The following CPNE3 variants were observed in gnomAD, a reference collection of about 807,000 sequenced individuals.
The protein encoded by CPNE3 is copine 3.
A neutral mutation model predicts 63.9 loss-of-function variants in CPNE3; 68 were observed. That is an observed-to-expected ratio of 1.06 (90% CI 0.87 to 1.30). CPNE3 has a LOEUF of 1.30. Among genes scored for constraint, CPNE3 ranks in the 50% most tolerant of loss-of-function variants. The pLI is 0.00. For missense variants in CPNE3, 665 were observed against 578.1 expected (o/e 1.15, Z -1.54); for synonymous variants, 219 against 197.5 (o/e 1.11, Z -0.91).
At chr8:86,529,815 T>G (rs1192385122) in intron 4 of CPNE3, among the ~76,000 whole-genome samples, 1 of 151,950 alleles carries the variant, frequency 6.6e-6, no homozygotes, top group Non-Finnish European at 1.5e-5. Flanking sequence ...GAGGAGTAAT[T>G]TTTTTTTCAA....
At chr8:86,552,263 T>C (rs1821197981) in intron 14 of CPNE3, among the ~76,000 whole-genome samples, 2 of 152,206 alleles carry the variant, frequency 1.3e-5, no homozygotes, top group African/African-American at 4.8e-5. Context: ...TGAACAATTT[T>C]TGTGGCGGCC....
chr8:86,533,601 T>A (rs1322750170), intron 6 of CPNE3, among the ~76,000 whole-genome samples: 3 of 151,864 alleles, frequency 2.0e-5, no homozygotes, highest in Non-Finnish European at 4.4e-5. Context: ...TTTTTTTTTT[T>A]AATTGTGGAA....
chr8:86,554,828 TTTTA>T lies in CPNE3; in HGVS notation c.1121-19_1121-16del, dbSNP rs769518149. On this transcript the variant is annotated intron_variant, in intron 14 of 16. Coordinates refer to ENST00000517490, the MANE Select transcript of CPNE3 (RefSeq NM_003909.5). ...GTGCTTGAGAATTTTTAGTACTGTT[TTTTA>T]TTTGTTTGTTTGTTCTAGGAATCCA... 6.2e-7 allele frequency: 1 copy of T among 1,609,140 alleles called. No homozygotes were observed. The highest frequency in any genetic ancestry group is 8.5e-7 in the Non-Finnish European group (1 of 1,177,226).
At chr8:86,523,884 G>A (rs544630143) in intron 2 of CPNE3, among the ~76,000 whole-genome samples, 102 of 152,286 alleles carry the variant, frequency 6.7e-4, no homozygotes, top group Non-Finnish European at 4.1e-4. Flanking sequence ...CACCGTGCCC[G>A]GCCTGAAGTG....
At chr8:86,517,490 A>G (rs1426829313) in intron 2 of CPNE3, among the ~76,000 whole-genome samples, 2 of 152,188 alleles carry the variant, frequency 1.3e-5, no homozygotes, top group Non-Finnish European at 2.9e-5. Flanking sequence ...AGTACCTGTT[A>G]AAAGAGGTAC....
chr8:86,540,395 A>T, intron 8 of CPNE3, 61 bp downstream of exon 8: 1 of 761,670 alleles, frequency 1.3e-6, no homozygotes, highest in Non-Finnish European at 1.9e-6. Flanking sequence ...CTATTTTATA[A>T]AATTAATACA....
intron 8 of CPNE3, 87 bp from the exon 9 acceptor site, chr8:86,544,653 C>T: frequency 1.7e-6 from 1 of 576,238 alleles, no homozygotes; most frequent in Non-Finnish European, 2.5e-6. Context: ...TAAAAGGGCA[C>T]TTCATGATAG....
intron 14 of CPNE3, among the ~76,000 whole-genome samples, chr8:86,552,418 T>A (rs529616833): frequency 1.8e-4 from 27 of 152,362 alleles, no homozygotes; most frequent in Admixed American, 5.2e-4. Context: ...TTAAGAAATA[T>A]GCTTCATTTT....
At chr8:86,532,118 T>C (rs998525094) in intron 5 of CPNE3, among the ~76,000 whole-genome samples, 14 of 152,232 alleles carry the variant, frequency 9.2e-5, no homozygotes, top group African/African-American at 2.7e-4. Context: ...ATGAAAAACA[T>C]TGATCTGATA....
chr8:86,536,101 A>G (rs529266799), intron 6 of CPNE3, among the ~76,000 whole-genome samples: 4 of 151,998 alleles, frequency 2.6e-5, no homozygotes, highest in African/African-American at 4.8e-5. Context: ...CTCCTGGTCT[A>G]CCTTGCTTCC....
intron 14 of CPNE3, among the ~76,000 whole-genome samples, chr8:86,553,796 G>A (rs963497621): frequency 6.8e-6 from 1 of 146,358 alleles, no homozygotes; most frequent in Non-Finnish European, 1.5e-5. Context: ...ATCTCAGCAA[G>A]TATTGTTGGA....
intron 4 of CPNE3, among the ~76,000 whole-genome samples, chr8:86,530,531 GATTT>G (rs1212950716): frequency 1.3e-5 from 2 of 151,982 alleles, no homozygotes; most frequent in Non-Finnish European, 2.9e-5. Flanking sequence ...TCAGCTAAGT[GATTT>G]GTTTATGCGA....
chr8:86,553,224 T>G (rs377038790), intron 14 of CPNE3, among the ~76,000 whole-genome samples: 5 of 151,934 alleles, frequency 3.3e-5, no homozygotes, highest in African/African-American at 1.2e-4. Flanking sequence ...ATGGACCTTC[T>G]GCATGTAAAA....
At chr8:86,555,996 G>C (rs1207907180) in intron 15 of CPNE3, 106 bp from the exon 16 acceptor site, 2 of 725,836 alleles carry the variant, frequency 2.8e-6, no homozygotes, top group East Asian at 4.9e-5. Flanking sequence ...CTAGGGTAGA[G>C]ACTGGCAAGG....
intron 7 of CPNE3, among the ~76,000 whole-genome samples, chr8:86,537,925 A>T (rs1820836923): frequency 6.6e-6 from 1 of 151,974 alleles, no homozygotes; most frequent in East Asian, 1.9e-4. Context: ...ACACTCCCAC[A>T]TACTTGTGCT....
chr8:86,528,859 A>G, intron 3 of CPNE3, 86 bp from the exon 4 acceptor site: 1 of 1,339,528 alleles, frequency 7.5e-7, no homozygotes, highest in East Asian at 2.3e-5. Context: ...TGTCATGCCT[A>G]TGTTTATGTT....
At chr8:86,535,073 T>TC (rs35294257) in intron 6 of CPNE3, among the ~76,000 whole-genome samples, 36,204 of 152,104 alleles carry the variant, frequency 0.24, 4,472 homozygotes, top group Non-Finnish European at 0.27. Context: ...TTGGATAATT[T>TC]CTTGCTCTGT....
At chr8:86,540,823 A>G (rs1349790160) in intron 8 of CPNE3, among the ~76,000 whole-genome samples, 1 of 152,150 alleles carries the variant, frequency 6.6e-6, no homozygotes, top group East Asian at 1.9e-4. Context: ...AAGCTTTTAG[A>G]AGGCTTTAGT....
rs1821322805 is a variant in CPNE3 at position 86,556,205 on chromosome 8, T to C, written c.1358T>C (p.Ile453Thr). ...NASRLPMSII[I>T]VGVGGADFSA... ...TCCAGGCTGCCTATGTCCATCATAATTGTTGGAGTTGGAGGTGCTGACTTC... is the reference window on the plus strand; with the variant it reads ...TCCAGGCTGCCTATGTCCATCATAACTGTTGGAGTTGGAGGTGCTGACTTC... The change falls in exon 16 of 17, where the codon ATT (isoleucine) becomes ACT (threonine). Residue 453 changes from isoleucine (I) to threonine (T), a missense_variant. By Grantham distance (89) the Ile-to-Thr change is moderately conservative. Coordinates refer to ENST00000517490, the MANE Select transcript of CPNE3 (RefSeq NM_003909.5). 3.4e-6 allele frequency: 3 copies of C among 873,052 alleles called. No individual in the cohort carries two copies. The highest frequency in any genetic ancestry group is 2.0e-6 in the Non-Finnish European group (1 of 501,678). The allele number at this position is 873,052 out of a possible 1,614,324, so 54.1% of individuals were successfully genotyped here. A position where few individuals can be genotyped will look rare whatever the true frequency, so the allele number is the denominator to read the frequency against.
Sources: gnomAD v4.1 joint callset for allele counts (sites outside exome capture counted in the v4.1 genomes callset) on GRCh38, gnomAD v4.1.1 for gene constraint, MANE v1.5 for transcripts, NCBI Gene and HGNC (gene_info 2026-07-23, HGNC 2026-07-21) for gene names.